Variants in ATP13A4 observed in about 807,000 individuals in gnomAD.
ATP13A4 encodes ATPase 13A4.
ATP13A4 carries 114 observed loss-of-function variants against 142.5 expected under a neutral mutation model. That is an observed-to-expected ratio of 0.80 (90% CI 0.69 to 0.93). The LOEUF (loss-of-function observed/expected upper bound fraction) is 0.93. ATP13A4 is among the 40% of genes least tolerant of loss of function. The probability of loss-of-function intolerance (pLI) is 0.00; values close to 1 mark genes in which losing one functional copy is unlikely to be tolerated. For synonymous variants in ATP13A4, 488 were observed against 514.8 expected (o/e 0.95, Z 0.70); for missense variants, 1,392 against 1,454.0 (o/e 0.96, Z 0.69).
In ATP13A4 at chr3:193,445,114, C is replaced by A. The variant is rs79404152; in HGVS notation, c.2153-2558G>T. Reference sequence around the variant, plus strand: ...CATGACTAGAGAAGTCAAGAAGCTGCCGGAGACAGATGAAACCTGCTTTAA... The same window carrying A: ...CATGACTAGAGAAGTCAAGAAGCTGACGGAGACAGATGAAACCTGCTTTAA... On this transcript the variant is annotated intron_variant, in intron 18 of 29. Coordinates refer to ENST00000342695, the MANE Select transcript of ATP13A4 (RefSeq NM_032279.4). 6.0e-3 allele frequency among the ~76,000 whole-genome samples: 915 copies of A among 152,222 alleles called. 10 individuals carry two copies. Among genetic ancestry groups the A allele is most frequent in the African/African-American group, 0.021 (884 of 41,538 alleles).
At chr3:193,427,984 A>G (rs1376266525) in intron 25 of ATP13A4, among the ~76,000 whole-genome samples, 1 of 152,214 alleles carries the variant, frequency 6.6e-6, no homozygotes, top group East Asian at 1.9e-4. Flanking sequence ...AAAAGAAACT[A>G]CCATTAGAGT....
rs575907459 is a variant in ATP13A4, at chr3:193,548,565, A to G, written c.60+6175T>C. Among the ~76,000 whole-genome samples the G allele has an allele frequency of 3.3e-5, 5 of 152,316 alleles. No homozygotes were observed. The East Asian group carries it at 9.6e-4, about 29-fold the overall frequency. On this transcript the variant is annotated intron_variant, in intron 1 of 29. Transcript: ENST00000342695. ...TCAGCCTGAACACAATTCCCCCACT[A>G]TGAGATCTGTGGGTTCACTAGTTAA...
chr3:193,466,030 T>G lies in ATP13A4; in HGVS notation c.1267A>C (p.Ser423Arg). ...MIYTLCVYVL[S>R]GEPPEEVVRK... ...AAAGAGCAAAGACAGCTTACCCCAC[T>G]AAGCACATAGACACACAGAGTATAG... Residue 423 changes from serine (S) to arginine (R), a missense_variant, in exon 11 of 30, where the codon AGT becomes CGT. Transcript: ENST00000342695. 19 of 1,614,126 alleles carry G rather than the reference T, an allele frequency of 1.2e-5. No individual in the cohort carries two copies. Among genetic ancestry groups the G allele is most frequent in the Non-Finnish European group, 1.4e-5 (17 of 1,179,978 alleles).
At chr3:193,460,165 C>T (rs1465608880) in intron 13 of ATP13A4, among the ~76,000 whole-genome samples, 1 of 152,126 alleles carries the variant, frequency 6.6e-6, no homozygotes, top group Non-Finnish European at 1.5e-5. Context: ...CTCTGCCGTC[C>T]CCTTCACCCT....
At position 193,466,194 on chromosome 3, in the gene ATP13A4, A is replaced by G. The variant is rs760877057; in HGVS notation, c.1115-12T>C. The G allele has an allele frequency of 6.2e-7, 1 of 1,613,464 alleles. No homozygotes were observed. The highest frequency in any genetic ancestry group is 8.5e-7 in the Non-Finnish European group (1 of 1,179,784). On this transcript the variant is annotated splice_polypyrimidine_tract_variant and intron_variant, in intron 10 of 29. Transcript: ENST00000342695. ...TGCAGTGTTGAATCCTGGAACAACAAACACACACCCCACACTCTCAGGAGA... is the reference window on the plus strand; with the variant it reads ...TGCAGTGTTGAATCCTGGAACAACAGACACACACCCCACACTCTCAGGAGA...
At chr3:193,445,488 G>A (rs1437613915) in intron 18 of ATP13A4, among the ~76,000 whole-genome samples, 2 of 151,534 alleles carry the variant, frequency 1.3e-5, no homozygotes, top group Non-Finnish European at 2.9e-5. Context: ...TGGGCGTGGG[G>A]ACTCATGCCT....
At chr3:193,534,789 G>A (rs954792016) in intron 1 of ATP13A4, among the ~76,000 whole-genome samples, 49 of 151,610 alleles carry the variant, frequency 3.2e-4, no homozygotes, top group Admixed American at 2.7e-3. Flanking sequence ...GAGGGGAGAG[G>A]GGAAATGACT....
chr3:193,419,385 A>G (rs1288969361), intron 25 of ATP13A4, among the ~76,000 whole-genome samples: 1 of 149,890 alleles, frequency 6.7e-6, no homozygotes, highest in Non-Finnish European at 1.5e-5. Flanking sequence ...TACCCCTCCC[A>G]GTTGCTGCTG....
chr3:193,588,705 T>C (rs975534907), intron 1 of ATP13A4, among the ~76,000 whole-genome samples: 1 of 152,178 alleles, frequency 6.6e-6, no homozygotes, highest in African/African-American at 2.4e-5. Flanking sequence ...TCTGCCTCTG[T>C]GGGTAGTAAC....
chr3:193,448,824 G>C (rs1293334328), intron 17 of ATP13A4, among the ~76,000 whole-genome samples: 1 of 152,204 alleles, frequency 6.6e-6, no homozygotes, highest in Non-Finnish European at 1.5e-5. Context: ...GAGGAAGAGA[G>C]TGTTCATTAA....
At chr3:193,459,000 A>C in intron 14 of ATP13A4, 81 bp downstream of exon 14, 1 of 1,580,990 alleles carries the variant, frequency 6.3e-7, no homozygotes, top group Non-Finnish European at 8.7e-7. Flanking sequence ...ACCTTTTATA[A>C]GAATTAGATA....
At chr3:193,580,426 A>G (rs2108746051) in intron 2 of ATP13A4, among the ~76,000 whole-genome samples, 1 of 152,298 alleles carries the variant, frequency 6.6e-6, no homozygotes, top group South Asian at 2.1e-4. Context: ...TGAGAGAGAA[A>G]GGAGACTGTC....
chr3:193,557,986 C>G (rs1723938869), upstream of ATP13A4, among the ~76,000 whole-genome samples: 1 of 152,230 alleles, frequency 6.6e-6, no homozygotes, highest in Non-Finnish European at 1.5e-5. Context: ...AGGGGAGTGA[C>G]ATGTGGCAGG....
intron 1 of ATP13A4, among the ~76,000 whole-genome samples, chr3:193,543,372 C>T (rs1352401356): frequency 1.3e-5 from 2 of 152,132 alleles, no homozygotes; most frequent in Non-Finnish European, 2.9e-5. Context: ...ATGAAAATGT[C>T]TGCAGTCTAT....
chr3:193,491,079 T>C (rs1719917434), intron 6 of ATP13A4, among the ~76,000 whole-genome samples: 1 of 152,184 alleles, frequency 6.6e-6, no homozygotes, highest in Non-Finnish European at 1.5e-5. Flanking sequence ...AGAAACATTA[T>C]ATTCATCCAG....
intron 2 of ATP13A4, among the ~76,000 whole-genome samples, chr3:193,562,857 G>T (rs1447361630): frequency 6.6e-6 from 1 of 152,090 alleles, no homozygotes; most frequent in Admixed American, 6.5e-5. Flanking sequence ...GTGACAGAGT[G>T]AGACTCCATC....
intron 29 of ATP13A4, among the ~76,000 whole-genome samples, chr3:193,405,389 G>C (rs1021972994): frequency 2.6e-5 from 4 of 152,184 alleles, no homozygotes; most frequent in East Asian, 3.8e-4. Flanking sequence ...ATGACCATGA[G>C]ACACAAGTGT....
chr3:193,544,124 G>C (rs899433468), intron 1 of ATP13A4, among the ~76,000 whole-genome samples: 1 of 152,090 alleles, frequency 6.6e-6, no homozygotes, highest in Non-Finnish European at 1.5e-5. Flanking sequence ...TACTTCTCTG[G>C]ACTCTTCTCT....
At chr3:193,468,353 G>GGTAT (rs1248608681) in intron 9 of ATP13A4, among the ~76,000 whole-genome samples, 4 of 152,320 alleles carry the variant, frequency 2.6e-5, no homozygotes, top group Admixed American at 6.5e-5. Flanking sequence ...GGCTGGGCTG[G>GGTAT]GTATCCAATT....
Sources: gnomAD v4.1 joint callset for allele counts (sites outside exome capture counted in the v4.1 genomes callset) on GRCh38, gnomAD v4.1.1 for gene constraint, MANE v1.5 for transcripts, NCBI Gene and HGNC (gene_info 2026-07-23, HGNC 2026-07-21) for gene names.